The following PHC1 variants were observed in gnomAD, a reference collection of about 807,000 sequenced individuals.
PHC1 encodes polyhomeotic-like protein 1.
PHC1 carries 12 observed loss-of-function variants against 104.3 expected under a neutral mutation model. That is an observed-to-expected ratio of 0.12 (90% CI 0.07 to 0.19). The LOEUF (loss-of-function observed/expected upper bound fraction) is 0.19. PHC1 is among the 10% of genes least tolerant of loss of function. The pLI is 1.00. For synonymous variants in PHC1, 302 were observed against 455.8 expected, an observed-to-expected ratio of 0.66 and a Z score of 4.30; for missense variants, 671 against 1,200.0, an observed-to-expected ratio of 0.56 and a Z score of 6.51.
intron 6 of PHC1, among the ~76,000 whole-genome samples, chr12:8,929,067 G>A (rs956906438): frequency 2.0e-5 from 3 of 152,162 alleles, no homozygotes; most frequent in African/African-American, 7.2e-5. Context: ...TAGAGGGTGT[G>A]TGAATGTTCA....
chr12:8,939,520 TGGTACCAGC>T lies in PHC1; in HGVS notation c.*62_*70del. 1 of 900,956 alleles carries T rather than the reference TGGTACCAGC, an allele frequency of 1.1e-6. No individual in the cohort carries two copies. Among genetic ancestry groups the T allele is most frequent in the Non-Finnish European group, 1.7e-6 (1 of 595,848 alleles). 55.8% of individuals were successfully genotyped at this position (900,956 alleles called of 1,614,324 possible). A position where few individuals can be genotyped will look rare whatever the true frequency, so the allele number is the denominator to read the frequency against. ...ACTCTCCACTGTCCAGGTTATAACC[TGGTACCAGC>T]AGACTTTGCAGGGAAGAAAGAGTTG... On this transcript the variant is annotated 3_prime_UTR_variant, in exon 15 of 15. Coordinates refer to ENST00000544916, the MANE Select transcript of PHC1 (RefSeq NM_004426.3).
At chr12:8,920,179 A>G (rs765593994) in intron 3 of PHC1, among the ~76,000 whole-genome samples, 137 of 152,372 alleles carry the variant, frequency 9.0e-4, no homozygotes, top group Middle Eastern at 3.4e-3. Flanking sequence ...ATAAGATTTT[A>G]GAGTTAGACT....
intron 7 of PHC1, 23 bp from the exon 8 acceptor site, chr12:8,932,540 G>A (rs1335997881): frequency 1.2e-6 from 2 of 1,605,194 alleles, no homozygotes; most frequent in Non-Finnish European, 1.7e-6. Flanking sequence ...TCTCTCTGTT[G>A]TATTCTGGGA....
chr12:8,938,098 C>A, intron 14 of PHC1, 38 bp downstream of exon 14: 1 of 1,430,602 alleles, frequency 7.0e-7, no homozygotes, highest in Non-Finnish European at 9.8e-7. Context: ...AGGTTGTTTT[C>A]CTTAACATCA....
intron 11 of PHC1, 30 bp from the exon 12 acceptor site, chr12:8,936,826 G>A (rs755663710): frequency 1.5e-6 from 2 of 1,378,826 alleles, no homozygotes; most frequent in African/African-American, 2.8e-5. Flanking sequence ...GAAACCCATG[G>A]TGACTGTCCA....
rs1460311845 is a variant in PHC1 at position 8,936,948 on chromosome 12, A to G, written c.2461A>G (p.Met821Val). The G allele has an allele frequency of 1.2e-6, 2 of 1,610,270 alleles. No individual in the cohort carries two copies. The highest frequency in any genetic ancestry group is 2.2e-5 in the East Asian group (1 of 44,870). The change falls in exon 12 of 15, where the codon ATG becomes GTG. Residue 821 changes from methionine (M) to valine (V), a missense_variant. By Grantham distance (21) the Met-to-Val change is conservative. This residue lies in a region of PHC1 where 192 missense variants were observed against 280.5 expected (regional missense o/e 0.68). Transcript: ENST00000544916. ...QFRGSKRFCS[M>V]TCAKRYNVSC... ...TCGTGGCTCTAAGAGGTTCTGCTCC[A>G]TGACTTGCGCTAAGAGGTACTCTGG...
chr12:8,915,923 G>A (rs1210923172), intron 1 of PHC1: 1 of 154,354 alleles, frequency 6.5e-6, no homozygotes, highest in Non-Finnish European at 1.5e-5. Flanking sequence ...ACATGTGAAT[G>A]TAGGAATTAT....
At chr12:8,936,006 C>T (rs867093691) in intron 11 of PHC1, among the ~76,000 whole-genome samples, 8 of 152,274 alleles carry the variant, frequency 5.3e-5, no homozygotes, top group Middle Eastern at 3.4e-3. Context: ...TCAGGTGATC[C>T]GCCCGCCTTG....
chr12:8,937,280 G>A lies in PHC1; in HGVS notation c.2582G>A (p.Ser861Asn). Residue 861 changes from serine (S) to asparagine (N), a missense_variant, in exon 13 of 15, where the codon AGC becomes AAC. By Grantham distance (46) the Ser-to-Asn change is conservative (BLOSUM62 1). Coordinates refer to ENST00000544916, the MANE Select transcript of PHC1 (RefSeq NM_004426.3). ...GTTCGCAGGCGTGGACCCCGCCGCA[G>A]CTCCTCTGACATTGCCCGTGCCAAG... ...ARVRRRGPRR[S>N]SSDIARAKIQ... is the part of the protein sequence containing the mutation. 1.2e-6 allele frequency: 2 copies of A among 1,612,128 alleles called. No individual in the cohort carries two copies. The highest frequency in any genetic ancestry group is 1.1e-5 in the South Asian group (1 of 90,728).
At chr12:8,925,705 C>G (rs1592196423) in intron 6 of PHC1, among the ~76,000 whole-genome samples, 1 of 152,070 alleles carries the variant, frequency 6.6e-6, no homozygotes, top group Non-Finnish European at 1.5e-5. Context: ...CCTTATCTTT[C>G]AGGGCTTTGG....
chr12:8,933,472 T>A, intron 8 of PHC1, 122 bp downstream of exon 8: 1 of 1,179,460 alleles, frequency 8.5e-7, no homozygotes, highest in Non-Finnish European at 1.2e-6. Flanking sequence ...TTGGTATTTA[T>A]CTGCTTCTTC....
chr12:8,917,829 T>A, intron 2 of PHC1, 38 bp downstream of exon 2: 1 of 1,113,020 alleles, frequency 9.0e-7, no homozygotes, highest in South Asian at 1.5e-5. Flanking sequence ...TCTGTGAGTC[T>A]TGGCTTGTGG....
intron 2 of PHC1, among the ~76,000 whole-genome samples, chr12:8,918,137 A>G (rs1945254162): frequency 6.6e-6 from 1 of 152,230 alleles, no homozygotes; most frequent in African/African-American, 2.4e-5. Flanking sequence ...TTAGAGATTT[A>G]TTTTTAAACA....
intron 10 of PHC1, 134 bp downstream of exon 10, chr12:8,934,612 T>A: frequency 1.6e-6 from 1 of 617,814 alleles, no homozygotes; most frequent in Non-Finnish European, 2.7e-6. Flanking sequence ...TTTATTTAAT[T>A]ATAAAGAAGG....
intron 6 of PHC1, among the ~76,000 whole-genome samples, chr12:8,929,553 G>C (rs932461146): frequency 7.4e-5 from 11 of 148,292 alleles, no homozygotes; most frequent in Non-Finnish European, 1.5e-4. Context: ...TTCTGGACAG[G>C]GTCTCACTCT....
chr12:8,924,717 T>C (rs1163030396), intron 6 of PHC1, among the ~76,000 whole-genome samples: 2 of 152,060 alleles, frequency 1.3e-5, no homozygotes, highest in Non-Finnish European at 2.9e-5. Context: ...ATAAATAAAA[T>C]AGAATCAACA....
In PHC1 at chr12:8,928,620, G is replaced by T. The variant is rs778734457; in HGVS notation, c.613-1815G>T. Among the ~76,000 whole-genome samples, 34 of 151,978 alleles carry T rather than the reference G, an allele frequency of 2.2e-4. 1 individual carries two copies. The highest frequency in any genetic ancestry group is 7.5e-4 in the African/African-American group (31 of 41,424). On this transcript the variant is annotated intron_variant, in intron 6 of 14. Transcript: ENST00000544916. Reference sequence around the variant, plus strand: ...CTTTTTATTATAGAAAATTTTAAAGGTACACAAAAACAGAAAAAGTATGAA... The same window carrying T: ...CTTTTTATTATAGAAAATTTTAAAGTTACACAAAAACAGAAAAAGTATGAA...
rs768494722 is a variant in PHC1, at chr12:8,935,182, C to A, written c.2312C>A (p.Thr771Lys). The change falls in exon 11 of 15, where the codon ACA (threonine) becomes AAA (lysine). Residue 771 changes from threonine (T) to lysine (K), a missense_variant. Thr to Lys is a moderately conservative substitution (Grantham distance 78, BLOSUM62 -1). This residue lies in a region of PHC1 where 192 missense variants were observed against 280.5 expected (regional missense o/e 0.68). Coordinates refer to ENST00000544916, the MANE Select transcript of PHC1 (RefSeq NM_004426.3). ...AAGCCACTACAGACTGGCCTTCCGA[C>A]AGGGCTGACTGAGAATCAGTCAGGT... ...SEKPLQTGLP[T>K]GLTENQSGGP... 3.1e-6 allele frequency: 5 copies of A among 1,593,006 alleles called. No individual in the cohort carries two copies. The highest frequency in any genetic ancestry group is 4.3e-6 in the Non-Finnish European group (5 of 1,166,954).
chr12:8,914,463 G>A (rs866225304), upstream of PHC1: 3 of 141,038 alleles, frequency 2.1e-5, no homozygotes, highest in East Asian at 2.0e-4. Flanking sequence ...ACGGCGGGGG[G>A]GGGGTCCGGC....
Sources: allele counts gnomAD v4.1 joint callset (sites outside exome capture counted in the v4.1 genomes callset), GRCh38; gene constraint gnomAD v4.1.1; regional missense constraint gnomAD v4.1.1; transcripts MANE v1.5; gene names NCBI Gene and HGNC (gene_info 2026-07-23, HGNC 2026-07-21).